PPA2: variants seen among roughly 807,000 people sequenced by gnomAD.
PPA2 encodes the protein inorganic pyrophosphatase 2, also known as inorganic pyrophosphatase 2, mitochondrial.
In PPA2, 48 loss-of-function variants were observed where a neutral mutation model predicts 49.5. That is an observed-to-expected ratio of 0.97 (90% confidence interval 0.77 to 1.23). PPA2 has a LOEUF of 1.23. Among genes scored for constraint, PPA2 ranks in the 50% most tolerant of loss-of-function variants. The probability of loss-of-function intolerance (pLI) is 0.00; values close to 1 mark genes in which losing one functional copy is unlikely to be tolerated. For missense variants in PPA2, 429 were observed against 410.1 expected, an observed-to-expected ratio of 1.05 and a Z score of -0.40; for synonymous variants, 131 against 139.9, an observed-to-expected ratio of 0.94 and a Z score of 0.45.
At chr4:105,462,653 C>G (rs1723140886) in intron 1 of PPA2, among the ~76,000 whole-genome samples, 1 of 152,142 alleles carries the variant, frequency 6.6e-6, no homozygotes. Flanking sequence ...CTTTTTATTC[C>G]ACCAAATATA....
chr4:105,389,171 G>A (rs1396700290), intron 9 of PPA2, among the ~76,000 whole-genome samples: 2 of 152,050 alleles, frequency 1.3e-5, no homozygotes, highest in African/African-American at 4.8e-5. Context: ...ATGATACCAA[G>A]AAATATTTTT....
intron 6 of PPA2, among the ~76,000 whole-genome samples, chr4:105,427,426 C>T (rs1723569433): frequency 6.6e-6 from 1 of 152,106 alleles, no homozygotes; most frequent in Admixed American, 6.5e-5. Flanking sequence ...CGTTCTAACC[C>T]TTTGCAAGGA....
At chr4:105,401,860 C>T (rs1335401254) in intron 7 of PPA2, among the ~76,000 whole-genome samples, 1 of 152,156 alleles carries the variant, frequency 6.6e-6, no homozygotes, top group East Asian at 1.9e-4. Context: ...ATTATGTATG[C>T]TGACTCTGGC....
rs770629115 is a variant in PPA2 at position 105,449,340 on chromosome 4, A to G, written c.321+10T>C. The G allele has an allele frequency of 6.6e-7, 1 of 1,524,436 alleles. No homozygotes were observed. Among genetic ancestry groups the G allele is most frequent in the Non-Finnish European group, 9.0e-7 (1 of 1,108,050 alleles). 94.4% of individuals were successfully genotyped at this position (1,524,436 alleles called of 1,614,324 possible). A position where few individuals can be genotyped will look rare whatever the true frequency, so the allele number is the denominator to read the frequency against. On this transcript the variant is annotated intron_variant, in intron 4 of 11. Transcript: ENST00000341695. ...CATTTCGGTTTCATATTAATAAAGTATATCGGTACCTCCATTTTAGCATTT... is the reference window on the plus strand; with the variant it reads ...CATTTCGGTTTCATATTAATAAAGTGTATCGGTACCTCCATTTTAGCATTT...
chr4:105,418,530 G>A (rs1723110208), intron 7 of PPA2, among the ~76,000 whole-genome samples: 1 of 152,178 alleles, frequency 6.6e-6, no homozygotes, highest in African/African-American at 2.4e-5. Flanking sequence ...TAGGACAAGT[G>A]TGATGCCGGC....
At chr4:105,396,694 A>G (rs1039726021) in intron 8 of PPA2, among the ~76,000 whole-genome samples, 5 of 152,202 alleles carry the variant, frequency 3.3e-5, no homozygotes, top group African/African-American at 1.2e-4. Flanking sequence ...ACGATAGCAG[A>G]GTTGAGCAGC....
intron 8 of PPA2, among the ~76,000 whole-genome samples, chr4:105,397,120 T>C (rs1034446643): frequency 6.6e-6 from 1 of 152,190 alleles, no homozygotes. Flanking sequence ...AAAATTGTTG[T>C]TTGTTTTCCT....
chr4:105,428,211 G>A (rs542128171), intron 6 of PPA2, among the ~76,000 whole-genome samples: 29 of 152,252 alleles, frequency 1.9e-4, no homozygotes, highest in Middle Eastern at 3.4e-3. Context: ...AAGAAACGTG[G>A]AAAGGAACAA....
chr4:105,424,462 C>A, intron 6 of PPA2, 140 bp from the exon 7 acceptor site: 1 of 771,184 alleles, frequency 1.3e-6, no homozygotes, highest in African/African-American at 1.8e-5. Flanking sequence ...ATGAAAATAG[C>A]CAAAGTCTGC....
intron 7 of PPA2, among the ~76,000 whole-genome samples, chr4:105,404,693 A>G (rs770934315): frequency 3.9e-5 from 6 of 152,196 alleles, no homozygotes; most frequent in Non-Finnish European, 7.3e-5. Context: ...AATATCAATC[A>G]TTATCTCTCC....
chr4:105,438,202 A>G (rs1641676518), intron 5 of PPA2, among the ~76,000 whole-genome samples, 166 bp from the exon 6 acceptor site: 1 of 152,288 alleles, frequency 6.6e-6, no homozygotes, highest in Non-Finnish European at 1.5e-5. Context: ...CCTAAGGATC[A>G]TAATATTTAA....
intron 10 of PPA2, among the ~76,000 whole-genome samples, chr4:105,376,196 C>A (rs1274386992): frequency 2.0e-5 from 3 of 152,170 alleles, no homozygotes; most frequent in Non-Finnish European, 1.5e-5. Flanking sequence ...AAATAGATGG[C>A]CACACTACAT....
chr4:105,388,868 A>C lies in PPA2; in HGVS notation c.870-2232T>G, dbSNP rs1338912075. Among the ~76,000 whole-genome samples the C allele has an allele frequency of 3.3e-5, 5 of 152,070 alleles. No individual in the cohort carries two copies. The East Asian group carries it at 9.6e-4, about 29-fold the overall frequency. On this transcript the variant is annotated intron_variant, in intron 9 of 11. Transcript: ENST00000341695. ...AAAAAAATTAGCTGTTTTAAGAATG[A>C]AAAATGAAATGGCAAGCACATACAA...
At chr4:105,446,230 A>G (rs975855099) in intron 5 of PPA2, 153 bp downstream of exon 5, 5 of 734,954 alleles carry the variant, frequency 6.8e-6, no homozygotes, top group South Asian at 2.8e-5. Flanking sequence ...TTATTGATAT[A>G]CTAAAACTCC....
At chr4:105,440,497 G>A (rs932314726) in intron 5 of PPA2, among the ~76,000 whole-genome samples, 2 of 152,002 alleles carry the variant, frequency 1.3e-5, no homozygotes, top group East Asian at 3.9e-4. Context: ...TCCTGACCTC[G>A]TGATCCACCT....
At chr4:105,456,373 A>G (rs1254941489) in intron 2 of PPA2, 1 of 433,364 alleles carries the variant, frequency 2.3e-6, no homozygotes, top group African/African-American at 2.1e-5. Context: ...ATAATCCACA[A>G]ACGTTAGCTG....
At chr4:105,433,841 A>G (rs1578857250) in intron 6 of PPA2, among the ~76,000 whole-genome samples, 1 of 152,368 alleles carries the variant, frequency 6.6e-6, no homozygotes, top group Non-Finnish European at 1.5e-5. Context: ...AAGTGATTAT[A>G]AAGATATGGA....
intron 9 of PPA2, among the ~76,000 whole-genome samples, chr4:105,386,888 A>G: frequency 6.6e-6 from 1 of 152,170 alleles, no homozygotes. Context: ...TATTACACAA[A>G]TCCTAATAAT....
At position 105,449,345 on chromosome 4, in the gene PPA2, G is replaced by T. The variant is rs760594754; in HGVS notation, c.321+5C>A. ...CGGTTTCATATTAATAAAGTATATC[G>T]GTACCTCCATTTTAGCATTTGTCCA... On this transcript the variant is annotated splice_donor_5th_base_variant and intron_variant, in intron 4 of 11. Coordinates refer to ENST00000341695, the MANE Select transcript of PPA2 (RefSeq NM_176869.3). 2 of 1,539,268 alleles carry T rather than the reference G, an allele frequency of 1.3e-6. No individual in the cohort carries two copies. Among genetic ancestry groups the T allele is most frequent in the African/African-American group, 1.4e-5 (1 of 72,202 alleles).
Sources: allele counts gnomAD v4.1 joint callset (sites outside exome capture counted in the v4.1 genomes callset), GRCh38; gene constraint gnomAD v4.1.1; transcripts MANE v1.5; gene names NCBI Gene and HGNC (gene_info 2026-07-23, HGNC 2026-07-21).